The following TIAM1 variants were observed in gnomAD, a reference collection of about 807,000 sequenced individuals.
TIAM1 encodes the protein rho guanine nucleotide exchange factor TIAM1.
Under a neutral mutation model 163.5 loss-of-function variants are expected in TIAM1, and 65 were observed. The ratio of observed to expected loss-of-function variants is 0.40; its 90% CI spans 0.33 to 0.49. The LOEUF is 0.49. Ranked by LOEUF, TIAM1 falls within the 20% of genes least tolerant of loss-of-function variation. TIAM1 has a pLI of 0.77. For missense variants in TIAM1, 1,789 were observed against 2,044.7 expected, an observed-to-expected ratio of 0.87 and a Z score of 2.41; for synonymous variants, 833 against 810.1, an observed-to-expected ratio of 1.03 and a Z score of -0.48.
chr21:31,378,127 A>C (rs1290652645), intron 2 of TIAM1, among the ~76,000 whole-genome samples: 2 of 135,258 alleles, frequency 1.5e-5, no homozygotes, highest in Non-Finnish European at 3.1e-5. Context: ...CAAGAGCGAA[A>C]CTCTGTCTCA....
At chr21:31,499,636 G>A (rs1050819059) in intron 1 of TIAM1, among the ~76,000 whole-genome samples, 8 of 151,584 alleles carry the variant, frequency 5.3e-5, no homozygotes, top group Non-Finnish European at 1.0e-4. Flanking sequence ...CGGATAACAA[G>A]GTCAGGAGTT....
At chr21:31,473,465 A>C (rs1218104553) in intron 1 of TIAM1, among the ~76,000 whole-genome samples, 1 of 121,206 alleles carries the variant, frequency 8.3e-6, no homozygotes, top group East Asian at 2.3e-4. Flanking sequence ...AAAAAAAAAA[A>C]ACATGGCTTA....
At chr21:31,246,920 G>C (rs1004898189) in intron 5 of TIAM1, among the ~76,000 whole-genome samples, 3 of 152,102 alleles carry the variant, frequency 2.0e-5, no homozygotes, top group African/African-American at 7.2e-5. Flanking sequence ...TTTCATACTT[G>C]TGGTCCTTGT....
At chr21:31,253,576 G>GTA (rs1212189006) in intron 4 of TIAM1, among the ~76,000 whole-genome samples, 1 of 152,204 alleles carries the variant, frequency 6.6e-6, no homozygotes, top group African/African-American at 2.4e-5. Context: ...TAAAAGAGAT[G>GTA]TATAGCAAGA....
Position 31,149,864 on chromosome 21 carries a change from CCAA to C in TIAM1, c.3366+2769_3366+2771del, listed in dbSNP as rs545270588. 1.1e-3 allele frequency among the ~76,000 whole-genome samples: 170 copies of C among 152,206 alleles called. 4 individuals are homozygous for C. In the South Asian group the frequency reaches 0.033, roughly 30 times the overall value. On this transcript the variant is annotated intron_variant, in intron 19 of 27. Coordinates refer to ENST00000541036, the MANE Select transcript of TIAM1 (RefSeq NM_001353694.2). ...TTATTTCAAATGAAGAGCATAACCA[CCAA>C]CAAGCAATTTTTGAACACAAAAATG...
chr21:31,373,248 C>A (rs1292605441), intron 2 of TIAM1, among the ~76,000 whole-genome samples: 1 of 152,124 alleles, frequency 6.6e-6, no homozygotes, highest in African/African-American at 2.4e-5. Flanking sequence ...TGAGACTATA[C>A]CACTGCACTC....
chr21:31,435,008 T>A (rs1017244473), intron 2 of TIAM1, among the ~76,000 whole-genome samples: 4 of 152,234 alleles, frequency 2.6e-5, no homozygotes, highest in Non-Finnish European at 4.4e-5. Flanking sequence ...ATGCTGTTCA[T>A]ATTTAGATCA....
At chr21:31,244,372 A>G (rs1203778023) in intron 6 of TIAM1, among the ~76,000 whole-genome samples, 1 of 152,104 alleles carries the variant, frequency 6.6e-6, no homozygotes. Context: ...GGTAGGCTTT[A>G]CCACATTATA....
intron 2 of TIAM1, among the ~76,000 whole-genome samples, chr21:31,417,002 A>T (rs2043396570): frequency 6.6e-6 from 1 of 152,106 alleles, no homozygotes; most frequent in Non-Finnish European, 1.5e-5. Context: ...TTCAGTAATT[A>T]TTTTATTTTA....
chr21:31,245,052 T>C (rs932655815), intron 6 of TIAM1, among the ~76,000 whole-genome samples: 7 of 152,202 alleles, frequency 4.6e-5, no homozygotes, highest in African/African-American at 1.4e-4. Flanking sequence ...CAGTCATTTC[T>C]GAGATGTCAT....
chr21:31,228,219 TTA>T (rs1569068397), intron 6 of TIAM1, among the ~76,000 whole-genome samples: 179 of 17,622 alleles, frequency 0.01, 5 homozygotes, highest in African/African-American at 0.013. Flanking sequence ...CCTCCTTTTT[TTA>T]AAAAAAAAAA....
intron 1 of TIAM1, among the ~76,000 whole-genome samples, chr21:31,486,919 T>G (rs1392818277): frequency 6.6e-6 from 1 of 152,154 alleles, no homozygotes; most frequent in East Asian, 1.9e-4. Flanking sequence ...CACAGGAGTC[T>G]CCACCTAGGG....
intron 2 of TIAM1, among the ~76,000 whole-genome samples, chr21:31,405,018 GAA>G (rs541586663): frequency 9.2e-4 from 140 of 152,196 alleles, no homozygotes; most frequent in African/African-American, 3.3e-3. Context: ...GAGGCAGGAG[GAA>G]TGCTTGAGCC....
chr21:31,269,510 G>C (rs1040140691), intron 3 of TIAM1, among the ~76,000 whole-genome samples: 2 of 152,126 alleles, frequency 1.3e-5, no homozygotes, highest in African/African-American at 4.8e-5. Flanking sequence ...AGGTTAATAA[G>C]AACGATGAAA....
At chr21:31,271,685 G>A (rs933017401) in intron 3 of TIAM1, among the ~76,000 whole-genome samples, 1 of 117,876 alleles carries the variant, frequency 8.5e-6, no homozygotes, top group Non-Finnish European at 1.7e-5. Flanking sequence ...CAGGAATGAG[G>A]TTAAGAGTTG....
chr21:31,369,231 AAAAG>A (rs71193109), intron 2 of TIAM1, among the ~76,000 whole-genome samples: 4 of 150,242 alleles, frequency 2.7e-5, no homozygotes, highest in Non-Finnish European at 5.9e-5. Context: ...ATCTCAAAAA[AAAAG>A]AAAGAAAGAA....
At chr21:31,169,582 A>C (rs1331126857) in intron 15 of TIAM1, among the ~76,000 whole-genome samples, 1 of 152,194 alleles carries the variant, frequency 6.6e-6, no homozygotes, top group Non-Finnish European at 1.5e-5. Flanking sequence ...TTTGAGAAAC[A>C]AAGAATGAGA....
intron 4 of TIAM1, among the ~76,000 whole-genome samples, chr21:31,262,416 A>C (rs2072529696): frequency 6.6e-6 from 1 of 152,226 alleles, no homozygotes; most frequent in Admixed American, 6.5e-5. Flanking sequence ...GTAACCTATT[A>C]AGTACTTTTA....
Position 31,173,258 on chromosome 21 carries a change from G to A in TIAM1, c.2888-8193C>T, listed in dbSNP as rs139967718. ...TGACAAAGAGAAACAATTACAACACGAAACTTTTAAAAGGTCTTTTTAATG... is the reference window on the plus strand; with the variant it reads ...TGACAAAGAGAAACAATTACAACACAAAACTTTTAAAAGGTCTTTTTAATG... On this transcript the variant is annotated intron_variant, in intron 15 of 27. Transcript: ENST00000541036. Among the ~76,000 whole-genome samples, 6 of 151,718 alleles carry A rather than the reference G, an allele frequency of 4.0e-5. No homozygotes were observed. In the South Asian group the frequency reaches 1.3e-3, roughly 32 times the overall value.
Sources: gnomAD v4.1 joint callset for allele counts (sites outside exome capture counted in the v4.1 genomes callset) on GRCh38, gnomAD v4.1.1 for gene constraint, MANE v1.5 for transcripts, NCBI Gene and HGNC (gene_info 2026-07-23, HGNC 2026-07-21) for gene names.